ESR1: variants seen among roughly 807,000 people sequenced by gnomAD.
ESR1 encodes estrogen receptor 1.
A neutral mutation model predicts 52.7 loss-of-function variants in ESR1; 12 were observed. That is an observed-to-expected ratio of 0.23 (90% CI 0.15 to 0.37). The LOEUF (loss-of-function observed/expected upper bound fraction) is 0.37. ESR1 is among the 10% of genes least tolerant of loss of function. The probability of loss-of-function intolerance (pLI) is 1.00; values close to 1 mark genes in which losing one functional copy is unlikely to be tolerated. For missense variants in ESR1, 584 were observed against 779.7 expected, an observed-to-expected ratio of 0.75 and a Z score of 2.99; for synonymous variants, 305 against 316.8, an observed-to-expected ratio of 0.96 and a Z score of 0.39.
At chr6:151,670,259 T>G (rs1259853754) in intron 1 of ESR1, among the ~76,000 whole-genome samples, 1 of 152,234 alleles carries the variant, frequency 6.6e-6, no homozygotes, top group Admixed American at 6.5e-5. Flanking sequence ...TACCCAGCTC[T>G]CACTTTAAAT....
At chr6:151,708,865 A>G (rs1327552835) in intron 2 of ESR1, among the ~76,000 whole-genome samples, 1 of 152,158 alleles carries the variant, frequency 6.6e-6, no homozygotes, top group African/African-American at 2.4e-5. Context: ...TGAGATATAC[A>G]TATATCTTGA....
intron 6 of ESR1, among the ~76,000 whole-genome samples, chr6:152,076,277 T>C (rs906238680): frequency 2.0e-5 from 3 of 152,200 alleles, no homozygotes; most frequent in Admixed American, 6.5e-5. Flanking sequence ...GTTTCCACTT[T>C]TATATCTTCC....
chr6:151,734,879 T>C (rs1782528988), intron 2 of ESR1, among the ~76,000 whole-genome samples: 1 of 152,000 alleles, frequency 6.6e-6, no homozygotes, highest in South Asian at 2.1e-4. Flanking sequence ...GCCTCGGCCT[T>C]CCAAAGTGCT....
intron 3 of ESR1, among the ~76,000 whole-genome samples, chr6:151,937,338 C>T (rs908005667): frequency 7.9e-5 from 12 of 152,228 alleles, no homozygotes; most frequent in African/African-American, 2.9e-4. Flanking sequence ...CATAGAACTG[C>T]CAAGAGTTTT....
chr6:151,686,064 A>ATTTTTTTTTTTTTTTTTTTTTTTTTTT (rs557270210), upstream of ESR1, among the ~76,000 whole-genome samples: 20 of 114,328 alleles, frequency 1.7e-4, 2 homozygotes, highest in African/African-American at 7.6e-4. Context: ...AATTAAAACA[A>ATTTTTTTTTTTTTTTTTTTTTTTTTTT]TTTTTTTTTT....
At chr6:151,795,652 G>A (rs1291470898) in intron 2 of ESR1, among the ~76,000 whole-genome samples, 4 of 152,202 alleles carry the variant, frequency 2.6e-5, no homozygotes, top group East Asian at 1.9e-4. Context: ...TTGTACAGGC[G>A]TTATGAAGGC....
At chr6:151,829,519 G>A (rs1042298508) in intron 1 of ESR1, among the ~76,000 whole-genome samples, 3 of 152,124 alleles carry the variant, frequency 2.0e-5, no homozygotes, top group Non-Finnish European at 2.9e-5. Flanking sequence ...ATCATTACAC[G>A]GTCATGGGAG....
Position 151,819,425 on chromosome 6 carries a change from C to T in ESR1, c.452+11061C>T, listed in dbSNP as rs376259135. On this transcript the variant is annotated intron_variant, in intron 1 of 7. Coordinates refer to ENST00000206249, the MANE Select transcript of ESR1 (RefSeq NM_000125.4). ...GTGAGCAGTGGGCATGCAAGTGATG[C>T]TTCATCTGTATTTACAGCTGCTCCC... Among the ~76,000 whole-genome samples, 7 of 152,216 alleles carry T rather than the reference C, an allele frequency of 4.6e-5. No individual in the cohort carries two copies. The East Asian group carries it at 9.6e-4, about 21-fold the overall frequency.
Position 152,013,947 on chromosome 6 carries a change from C to T in ESR1, c.1235+2153C>T, listed in dbSNP as rs115040526. Among the ~76,000 whole-genome samples, 700 of 152,178 alleles carry T rather than the reference C, an allele frequency of 4.6e-3. 5 individuals are homozygous for T. Among genetic ancestry groups the T allele is most frequent in the African/African-American group, 0.016 (653 of 41,552 alleles). On this transcript the variant is annotated intron_variant, in intron 5 of 7. Coordinates refer to ENST00000206249, the MANE Select transcript of ESR1 (RefSeq NM_000125.4). Reference sequence around the variant, plus strand: ...CATCCAAATCTCAAATTATAGCTCCCATAGTTCCCATGTGTCATGGGAGGG... The same window carrying T: ...CATCCAAATCTCAAATTATAGCTCCTATAGTTCCCATGTGTCATGGGAGGG...
intron 4 of ESR1, among the ~76,000 whole-genome samples, chr6:152,002,601 A>G (rs2042042217): frequency 6.6e-6 from 1 of 152,056 alleles, no homozygotes; most frequent in African/African-American, 2.4e-5. Context: ...TTTGACAAGC[A>G]CTTAAAAGGG....
chr6:152,125,962 C>G (rs546313544), exon 7 of ESR1: 57 of 152,346 alleles, frequency 3.7e-4, no homozygotes, highest in African/African-American at 1.4e-3. Flanking sequence ...AAACTGAAGG[C>G]CAGAGAGACT....
chr6:151,692,172 A>G (rs1013976563), intron 1 of ESR1, among the ~76,000 whole-genome samples: 3 of 152,250 alleles, frequency 2.0e-5, no homozygotes, highest in African/African-American at 7.2e-5. Flanking sequence ...AAGTCCAACT[A>G]TCTTTCGTTT....
intron 1 of ESR1, among the ~76,000 whole-genome samples, chr6:151,699,577 C>G (rs996720117): frequency 3.3e-5 from 5 of 152,076 alleles, no homozygotes. Context: ...AAAAATTAAC[C>G]AAGGCAACCC....
chr6:152,064,159 T>A (rs1327519695), intron 6 of ESR1, among the ~76,000 whole-genome samples: 13 of 152,222 alleles, frequency 8.5e-5, no homozygotes. Flanking sequence ...ACAGAGGCAT[T>A]CCTGGTTAAT....
chr6:151,849,686 C>G (rs943422675), intron 2 of ESR1, among the ~76,000 whole-genome samples: 1 of 151,114 alleles, frequency 6.6e-6, no homozygotes, highest in African/African-American at 2.4e-5. Flanking sequence ...CTGCTAGAGG[C>G]TCTCTGAGAA....
intron 3 of ESR1, among the ~76,000 whole-genome samples, chr6:151,938,607 G>A (rs138236978): frequency 1.3e-3 from 196 of 152,160 alleles, no homozygotes; most frequent in African/African-American, 4.5e-3. Flanking sequence ...ATTCCTTAGG[G>A]CTCACCTCCC....
chr6:151,816,201 T>G (rs1348333983), intron 1 of ESR1, among the ~76,000 whole-genome samples: 1 of 152,172 alleles, frequency 6.6e-6, no homozygotes, highest in East Asian at 1.9e-4. Context: ...TATTTTCCCC[T>G]CAATGCAATG....
chr6:152,014,838 A>G (rs1229329367), intron 5 of ESR1, among the ~76,000 whole-genome samples: 2 of 152,114 alleles, frequency 1.3e-5, no homozygotes, highest in African/African-American at 4.8e-5. Flanking sequence ...AGCTGTGATC[A>G]TGATGCTTCC....
intron 7 of ESR1, chr6:152,096,528 TTAC>T: frequency 2.4e-6 from 1 of 423,160 alleles, no homozygotes; most frequent in Admixed American, 2.4e-5. Flanking sequence ...GCCCCCAACA[TTAC>T]TACTGAGTGA....
Sources: allele counts gnomAD v4.1 joint callset (sites outside exome capture counted in the v4.1 genomes callset), GRCh38; gene constraint gnomAD v4.1.1; transcripts MANE v1.5; gene names NCBI Gene and HGNC (gene_info 2026-07-23, HGNC 2026-07-21).